ERO1B: variants seen among roughly 807,000 people sequenced by gnomAD.
The protein encoded by ERO1B is ERO1-like protein beta.
ERO1B carries 49 observed loss-of-function variants against 75.3 expected under a neutral mutation model. That is an observed-to-expected ratio of 0.65 (90% CI 0.52 to 0.83). The LOEUF (loss-of-function observed/expected upper bound fraction) is 0.83, where lower values mean the gene tolerates loss of function less well. Ranked by LOEUF, ERO1B falls within the 40% of genes least tolerant of loss-of-function variation. The pLI, the probability that ERO1B is intolerant of heterozygous loss-of-function variation, is 0.00. For missense variants in ERO1B, 512 were observed against 560.1 expected (o/e 0.91, Z 0.87); for synonymous variants, 191 against 192.9 (o/e 0.99, Z 0.08).
chr1:236,225,224 T>C (rs1664251315), intron 12 of ERO1B, 85 bp from the exon 13 acceptor site: 1 of 1,267,094 alleles, frequency 7.9e-7, no homozygotes, highest in Admixed American at 1.9e-5. Context: ...TTTCTATCCT[T>C]ATGAATATTT....
chr1:236,226,477 C>T lies in ERO1B; in HGVS notation c.844G>A (p.Glu282Lys). ...GKPSWGPNIK[E>K]FKHRFDPVET... ...ACAGGGTCAAAGCGGTGTTTGAATTCTTTAATATTAGGTCCCCAACTGGGC... is the reference window on the plus strand; with the variant it reads ...ACAGGGTCAAAGCGGTGTTTGAATTTTTTAATATTAGGTCCCCAACTGGGC... The change falls in exon 12 of 16, where the codon GAA (glutamate) becomes AAA (lysine). Residue 282 changes from glutamate to lysine, a missense_variant. Transcript: ENST00000354619. 6.2e-7 allele frequency: 1 copy of T among 1,613,996 alleles called. No homozygotes were observed. Among genetic ancestry groups the T allele is most frequent in the Non-Finnish European group, 8.5e-7 (1 of 1,179,982 alleles).
At chr1:236,250,572 CAT>C (rs1171832762) in intron 4 of ERO1B, among the ~76,000 whole-genome samples, 5,899 of 83,332 alleles carry the variant, frequency 0.071, 144 homozygotes, top group Non-Finnish European at 0.089. Context: ...TAAATTTGAC[CAT>C]ATATATATAT....
chr1:236,252,167 T>C (rs1489864199), intron 3 of ERO1B, 76 bp from the exon 4 acceptor site: 1 of 884,092 alleles, frequency 1.1e-6, no homozygotes, highest in Non-Finnish European at 1.9e-6. Flanking sequence ...GAATTGTCAA[T>C]GCATTGCTCT....
chr1:236,258,703 G>A (rs2477592), intron 2 of ERO1B, among the ~76,000 whole-genome samples: 37,644 of 151,882 alleles, frequency 0.25, 4,830 homozygotes, highest in East Asian at 0.38. Flanking sequence ...CCTGGCCAAC[G>A]TGGTGAAACC....
At chr1:236,266,921 G>T (rs1558521316) in intron 2 of ERO1B, among the ~76,000 whole-genome samples, 2 of 152,194 alleles carry the variant, frequency 1.3e-5, no homozygotes, top group Admixed American at 1.3e-4. Context: ...AACTGCATGT[G>T]TAAGAGGAAG....
chr1:236,224,557 T>A (rs2102939422), intron 13 of ERO1B, among the ~76,000 whole-genome samples: 1 of 151,948 alleles, frequency 6.6e-6, no homozygotes, highest in East Asian at 1.9e-4. Context: ...CAAATGAAAA[T>A]AAAGAACACC....
In ERO1B at chr1:236,217,812, G is replaced by A. The variant is rs1409908397; in HGVS notation, c.*704C>T. ...CAGCCCATTACACACACAAAATCTG[G>A]CTGGGTAGCATAGGGGAGAGGTCTT... On this transcript the variant is annotated 3_prime_UTR_variant, in exon 16 of 16. Transcript: ENST00000354619. The A allele has an allele frequency of 6.6e-6, 1 of 152,118 alleles. No individual in the cohort carries two copies. The highest frequency in any genetic ancestry group is 1.5e-5 in the Non-Finnish European group (1 of 68,024). 9.4% of individuals were successfully genotyped at this position (152,118 alleles called of 1,614,324 possible). A position where few individuals can be genotyped will look rare whatever the true frequency, so the allele number is the denominator to read the frequency against.
In ERO1B at chr1:236,236,262, C is replaced by G. The variant is rs192022457; in HGVS notation, c.626+16G>C. 33 of 1,613,358 alleles carry G rather than the reference C, an allele frequency of 2.0e-5. No individual in the cohort carries two copies. In the African/African-American group the frequency reaches 3.6e-4, roughly 18 times the overall value. Reference sequence around the variant, plus strand: ...CTCTATCAGTCGTTCCTTCTTCCCCCACCCCCTCCAGTTACTTGAAACAGT... The same window carrying G: ...CTCTATCAGTCGTTCCTTCTTCCCCGACCCCCTCCAGTTACTTGAAACAGT... On this transcript the variant is annotated intron_variant, in intron 7 of 15. Coordinates refer to ENST00000354619, the MANE Select transcript of ERO1B (RefSeq NM_019891.4).
rs1664050874 is a variant in ERO1B at position 236,218,412 on chromosome 1, T to C, written c.*104A>G. The C allele has an allele frequency of 4.5e-6, 5 of 1,110,614 alleles. No homozygotes were observed. Among genetic ancestry groups the C allele is most frequent in the Non-Finnish European group, 4.7e-6 (4 of 859,948 alleles). The allele number at this position is 1,110,614 out of a possible 1,614,324, so 68.8% of individuals were successfully genotyped here. The stretch of plus-strand genomic sequence containing the variant: ...GCATTTAAATTTTCTATTTAATAGT[T>C]CAGAATTCTTGAAGTCAGATTAGTG... On this transcript the variant is annotated 3_prime_UTR_variant, in exon 16 of 16. Transcript: ENST00000354619.
chr1:236,271,842 T>C (rs1665596516), intron 1 of ERO1B, among the ~76,000 whole-genome samples: 1 of 152,158 alleles, frequency 6.6e-6, no homozygotes, highest in Non-Finnish European at 1.5e-5. Flanking sequence ...TTTTTTGTTC[T>C]TTCTTATAAA....
In ERO1B at chr1:236,264,188, C is replaced by T. The variant is rs189187837; in HGVS notation, c.222+5687G>A. Among the ~76,000 whole-genome samples the T allele has an allele frequency of 1.7e-3, 262 of 152,230 alleles. 2 individuals carry two copies. Among genetic ancestry groups the T allele is most frequent in the Non-Finnish European group, 3.5e-4 (24 of 68,014 alleles). ...TGATCTTGGCTCACTGCAACCTCTACCTCCTGGGTTCAAGCAATTCTCATG... is the reference window on the plus strand; with the variant it reads ...TGATCTTGGCTCACTGCAACCTCTATCTCCTGGGTTCAAGCAATTCTCATG... On this transcript the variant is annotated intron_variant, in intron 2 of 15. Transcript: ENST00000354619.
chr1:236,227,754 C>T (rs1258656465), intron 10 of ERO1B, among the ~76,000 whole-genome samples: 3 of 152,132 alleles, frequency 2.0e-5, no homozygotes, highest in African/African-American at 7.2e-5. Flanking sequence ...AATTCACTCT[C>T]TCTTTCTGTC....
chr1:236,221,726 GAAT>G (rs1664147952), intron 14 of ERO1B, 195 bp downstream of exon 14: 2 of 514,486 alleles, frequency 3.9e-6, no homozygotes, highest in Non-Finnish European at 6.9e-6. Flanking sequence ...AATCACTAAA[GAAT>G]AATATGAGAA....
Position 236,216,974 on chromosome 1 carries a change from CA to C in ERO1B, c.*1541del, listed in dbSNP as rs1306856107. ...ACTACCACCATCAACAACAAAACCC[CA>C]AGTTTATAAAGGTTTGAAATTAGGT... On this transcript the variant is annotated 3_prime_UTR_variant, in exon 16 of 16. Coordinates refer to ENST00000354619, the MANE Select transcript of ERO1B (RefSeq NM_019891.4). 11 of 151,846 alleles carry C rather than the reference CA, an allele frequency of 7.2e-5. No homozygotes were observed. The highest frequency in any genetic ancestry group is 6.6e-4 in the Admixed American group (10 of 15,246). The allele number at this position is 151,846 out of a possible 1,614,324, so 9.4% of individuals were successfully genotyped here.
chr1:236,223,221 A>T (rs1225132425), intron 13 of ERO1B, among the ~76,000 whole-genome samples: 1 of 151,518 alleles, frequency 6.6e-6, no homozygotes, highest in Non-Finnish European at 1.5e-5. Context: ...AAAAAAAAAA[A>T]AAAGAGAAGT....
chr1:236,253,215 G>A (rs1222837634), intron 3 of ERO1B, among the ~76,000 whole-genome samples: 1 of 151,992 alleles, frequency 6.6e-6, no homozygotes, highest in Non-Finnish European at 1.5e-5. Flanking sequence ...TTGATCACCA[G>A]TATCACTGGA....
At chr1:236,224,772 T>C (rs1180022586) in intron 13 of ERO1B, among the ~76,000 whole-genome samples, 3 of 152,204 alleles carry the variant, frequency 2.0e-5, no homozygotes, top group Admixed American at 6.5e-5. Flanking sequence ...GAAAGCTGCA[T>C]CAAAACGACA....
chr1:236,248,870 T>G (rs1409921551), intron 5 of ERO1B, among the ~76,000 whole-genome samples: 1 of 152,144 alleles, frequency 6.6e-6, no homozygotes, highest in African/African-American at 2.4e-5. Context: ...ATGTTAATAT[T>G]TATTTACTTG....
Position 236,222,064 on chromosome 1 carries a change from T to C in ERO1B, c.1123-54A>G, listed in dbSNP as rs1664161417. ...ATTAGACTTTTAAAATTGAACCGCA[T>C]TTGGCTAAACGATAAGTAAGTTTTG... On this transcript the variant is annotated intron_variant, in intron 13 of 15. Coordinates refer to ENST00000354619, the MANE Select transcript of ERO1B (RefSeq NM_019891.4). 4 of 1,337,596 alleles carry C rather than the reference T, an allele frequency of 3.0e-6. No individual in the cohort carries two copies. In the Admixed American group the frequency reaches 5.3e-5, roughly 18 times the overall value. 82.9% of individuals were successfully genotyped at this position (1,337,596 alleles called of 1,614,324 possible). A position where few individuals can be genotyped will look rare whatever the true frequency, so the allele number is the denominator to read the frequency against.
Sources: allele counts gnomAD v4.1 joint callset (sites outside exome capture counted in the v4.1 genomes callset), GRCh38; gene constraint gnomAD v4.1.1; transcripts MANE v1.5; gene names NCBI Gene and HGNC (gene_info 2026-07-23, HGNC 2026-07-21).